Variants in C2CD2 observed in about 807,000 individuals in gnomAD.
C2CD2 encodes the protein C2 calcium dependent domain containing 2.
Under a neutral mutation model 74.3 loss-of-function variants are expected in C2CD2, and 43 were observed. The ratio of observed to expected loss-of-function variants is 0.58; its 90% CI spans 0.45 to 0.75. The LOEUF is 0.75. Ranked by LOEUF, C2CD2 falls within the 30% of genes least tolerant of loss-of-function variation. C2CD2 has a pLI of 0.00. For synonymous variants in C2CD2, 422 were observed against 390.7 expected (o/e 1.08, Z -0.94); for missense variants, 801 against 916.3 (o/e 0.87, Z 1.63).
Position 41,907,761 on chromosome 21 carries a change from G to C in C2CD2, c.1042C>G (p.Pro348Ala). The C allele has an allele frequency of 6.2e-7, 1 of 1,613,876 alleles. No individual in the cohort carries two copies. The highest frequency in any genetic ancestry group is 8.5e-7 in the Non-Finnish European group (1 of 1,179,924). Residue 348 changes from proline (P) to alanine (A), a missense_variant, in exon 9 of 14, where the codon CCT becomes GCT. Pro to Ala is a conservative substitution (Grantham distance 27). Transcript: ENST00000380486. The part of the protein sequence containing the change: ...SEGLLATATV[P>A]LDLFKKQPSG... ...GGCTGCTTCTTAAATAAGTCCAGAG[G>C]AACTGTCGCCGTCGCCAGCAGACCT...
chr21:41,915,568 C>T (rs1740184207), intron 5 of C2CD2, among the ~76,000 whole-genome samples: 1 of 152,044 alleles, frequency 6.6e-6, no homozygotes, highest in South Asian at 2.1e-4. Context: ...TCCTGAGTAG[C>T]TGGGATTACA....
chr21:41,921,983 A>G lies in C2CD2; in HGVS notation c.481T>C (p.Phe161Leu). 6.2e-7 allele frequency: 1 copy of G among 1,610,968 alleles called. No individual in the cohort carries two copies. The highest frequency in any genetic ancestry group is 8.5e-7 in the Non-Finnish European group (1 of 1,177,166). The change falls in exon 3 of 14, where the codon TTC (phenylalanine) becomes CTC (leucine). Residue 161 changes from phenylalanine to leucine, a missense_variant. By Grantham distance (22) the Phe-to-Leu change is conservative. Coordinates refer to ENST00000380486, the MANE Select transcript of C2CD2 (RefSeq NM_015500.2). The stretch of plus-strand genomic sequence containing the variant: ...CTACACATCTTTACCTGTAAATGGA[A>G]AGGGGAGAGCCGCATGTCGTACAGC... ...CRLYDMRLSP[F>L]HLQLEFHMKE...
Position 41,895,159 on chromosome 21 carries a change from A to C in C2CD2, c.1870+3894T>G, listed in dbSNP as rs532620861. 4 of 349,006 alleles carry C rather than the reference A, an allele frequency of 1.1e-5. No homozygotes were observed. The highest frequency in any genetic ancestry group is 8.5e-5 in the South Asian group (4 of 46,984). 21.6% of individuals were successfully genotyped at this position (349,006 alleles called of 1,614,324 possible). A position where few individuals can be genotyped will look rare whatever the true frequency, so the allele number is the denominator to read the frequency against. ...CCCTAAGAGCAAACACTGGTTTTCC[A>C]GGGAGGAGGAAATTCTGCCTCAAGA... On this transcript the variant is annotated intron_variant, in intron 13 of 13. Coordinates refer to ENST00000380486, the MANE Select transcript of C2CD2 (RefSeq NM_015500.2). The surrounding 1 kb of genome is among the most constrained non-coding windows in gnomAD (Gnocchi z 5.0).
At chr21:41,940,559 G>C (rs392348) in intron 2 of C2CD2, among the ~76,000 whole-genome samples, 152,276 of 152,308 alleles carry the variant, frequency 1, 76,122 homozygotes, top group Non-Finnish European at 1. Context: ...GAGCCATAAA[G>C]ATCATACAGC....
At chr21:41,925,595 T>A (rs1042419799) in intron 2 of C2CD2, among the ~76,000 whole-genome samples, 2 of 152,196 alleles carry the variant, frequency 1.3e-5, no homozygotes, top group Non-Finnish European at 2.9e-5. Context: ...TAACAAATAA[T>A]GCCCCATTTG....
At chr21:41,916,532 G>A (rs1470706222) in intron 5 of C2CD2, among the ~76,000 whole-genome samples, 1 of 152,118 alleles carries the variant, frequency 6.6e-6, no homozygotes. Flanking sequence ...GGACTGGAAT[G>A]TACGTCACGG....
chr21:41,898,787 C>T (rs1445002026), intron 13 of C2CD2, among the ~76,000 whole-genome samples: 2 of 152,198 alleles, frequency 1.3e-5, no homozygotes, highest in Non-Finnish European at 2.9e-5. Flanking sequence ...GGAGCAAGCC[C>T]AGACTGAGGA....
intron 2 of C2CD2, among the ~76,000 whole-genome samples, chr21:41,936,080 C>A (rs985627929): frequency 6.6e-6 from 1 of 151,386 alleles, no homozygotes. Flanking sequence ...ACACAGGCAA[C>A]AAAAACAAAA....
chr21:41,914,553 G>A (rs369181701), intron 6 of C2CD2, 45 bp downstream of exon 6: 2 of 1,593,646 alleles, frequency 1.3e-6, no homozygotes, highest in Non-Finnish European at 8.6e-7. Flanking sequence ...CTGCTCAGGG[G>A]CTGGAAGAGC....
In C2CD2 at chr21:41,899,680, CGA is replaced by C. The variant is rs905153327; in HGVS notation, c.1561-320_1561-319del. Among the ~76,000 whole-genome samples, 2 of 151,916 alleles carry C rather than the reference CGA, an allele frequency of 1.3e-5. No individual in the cohort carries two copies. The highest frequency in any genetic ancestry group is 2.9e-5 in the Non-Finnish European group (2 of 67,982). ...TGTGGCAAGCTGCAGAAATGAGATG[CGA>C]GAGAGAGAGCCCGTCCTTCAGAGTC... On this transcript the variant is annotated intron_variant, in intron 12 of 13. Transcript: ENST00000380486. The surrounding 1 kb of genome is among the most constrained non-coding windows in gnomAD (Gnocchi z 4.4).
At position 41,929,491 on chromosome 21, in the gene C2CD2, G is replaced by A. The variant is rs932606000; in HGVS notation, c.379-7406C>T. On this transcript the variant is annotated intron_variant, in intron 2 of 13. Coordinates refer to ENST00000380486, the MANE Select transcript of C2CD2 (RefSeq NM_015500.2). The surrounding 1 kb of genome is among the most constrained non-coding windows in gnomAD (Gnocchi z 4.6). ...ACAGACACAGACCCTGTGGCTCAGA[G>A]AAAGAAGGAAGTGCCCTAAACGAGC... Among the ~76,000 whole-genome samples, 17 of 151,532 alleles carry A rather than the reference G, an allele frequency of 1.1e-4. No homozygotes were observed. The highest frequency in any genetic ancestry group is 4.1e-4 in the African/African-American group (17 of 41,434).
intron 7 of C2CD2, 55 bp downstream of exon 7, chr21:41,912,277 G>A (rs970260308): frequency 3.1e-5 from 33 of 1,051,652 alleles, no homozygotes; most frequent in Admixed American, 2.5e-4. Flanking sequence ...AGGATTTGGC[G>A]CTCCTGAACA....
chr21:41,904,425 C>T (rs1210228517), intron 11 of C2CD2, among the ~76,000 whole-genome samples: 1 of 152,186 alleles, frequency 6.6e-6, no homozygotes, highest in Non-Finnish European at 1.5e-5. Flanking sequence ...GGGTTCTCTG[C>T]CTACAGAGTA....
Position 41,953,289 on chromosome 21 carries a change from C to A in C2CD2, c.279+81G>T, listed in dbSNP as rs796885294. ...CCTTAGCCTGGGTCAGGGGCTGCAG[C>A]GACGCCTCCAGGAAAGACCTCGGCC... On this transcript the variant is annotated intron_variant, in intron 1 of 13. Transcript: ENST00000380486. 13 of 938,212 alleles carry A rather than the reference C, an allele frequency of 1.4e-5. No individual in the cohort carries two copies. In the African/African-American group the frequency reaches 2.3e-4, roughly 16 times the overall value. 58.1% of individuals were successfully genotyped at this position (938,212 alleles called of 1,614,324 possible).
chr21:41,944,603 G>A (rs2065384036), intron 1 of C2CD2, among the ~76,000 whole-genome samples: 1 of 151,238 alleles, frequency 6.6e-6, no homozygotes, highest in South Asian at 2.1e-4. Context: ...AAGAAAATAA[G>A]TTATTAAGAG....
chr21:41,935,841 C>T (rs1397959383), intron 2 of C2CD2, among the ~76,000 whole-genome samples: 1 of 151,808 alleles, frequency 6.6e-6, no homozygotes, highest in Non-Finnish European at 1.5e-5. Context: ...AAGACTCTGT[C>T]TCAAAAAAAA....
chr21:41,928,544 C>CAAAAAAAAAAAAAAAAAAAAAAAAAAAA (rs59346777), intron 2 of C2CD2, among the ~76,000 whole-genome samples: 4 of 72,256 alleles, frequency 5.5e-5, no homozygotes, highest in Non-Finnish European at 1.0e-4. Context: ...TAAAGCAAAG[C>CAAAAAAAAAAAAAAAAAAAAAAAAAAAA]AAAAAAAAAA....
intron 2 of C2CD2, among the ~76,000 whole-genome samples, chr21:41,941,189 T>C (rs1433197467): frequency 6.6e-6 from 1 of 151,856 alleles, no homozygotes; most frequent in East Asian, 1.9e-4. Context: ...ACCCCATCTC[T>C]GCAAAAAAAA....
intron 1 of C2CD2, among the ~76,000 whole-genome samples, chr21:41,944,260 C>G (rs2065379342): frequency 6.6e-6 from 1 of 152,068 alleles, no homozygotes; most frequent in African/African-American, 2.4e-5. Flanking sequence ...CGCCTGTAAC[C>G]CCAGCACTTT....
Sources: allele counts gnomAD v4.1 joint callset (sites outside exome capture counted in the v4.1 genomes callset), GRCh38; gene constraint gnomAD v4.1.1; non-coding constraint Gnocchi (gnomAD v3.1); transcripts MANE v1.5; gene names NCBI Gene and HGNC (gene_info 2026-07-23, HGNC 2026-07-21).